FAM110B: variants seen among roughly 807,000 people sequenced by gnomAD.
FAM110B encodes protein FAM110B.
A neutral mutation model predicts 20.4 loss-of-function variants in FAM110B; 6 were observed. The ratio of observed to expected loss-of-function variants is 0.29; its 90% CI spans 0.16 to 0.58. The LOEUF (loss-of-function observed/expected upper bound fraction) is 0.58. Ranked by LOEUF, FAM110B falls within the 20% of genes least tolerant of loss-of-function variation. The pLI, the probability that FAM110B is intolerant of heterozygous loss-of-function variation, is 0.90. For missense variants in FAM110B, 434 were observed against 498.2 expected, an observed-to-expected ratio of 0.87 and a Z score of 1.23; for synonymous variants, 226 against 214.1, an observed-to-expected ratio of 1.06 and a Z score of -0.49.
intron 1 of FAM110B, among the ~76,000 whole-genome samples, chr8:58,020,668 G>C (rs542693328): frequency 1.3e-5 from 2 of 152,306 alleles, no homozygotes; most frequent in African/African-American, 4.8e-5. Context: ...AGAGTATATG[G>C]GCTACATGAT....
rs146446301 is a variant in FAM110B, at chr8:58,097,568, G to A, written c.-325+21945G>A. ...TGTCAGTTCATCAAACTCATCCTCC[G>A]TCCAGTTTTGTTTCCTTGCTGGCTA... On this transcript the variant is annotated intron_variant, in intron 3 of 3. Coordinates refer to ENST00000519262, the MANE Select transcript of FAM110B (RefSeq NM_001377989.1). 2.4e-3 allele frequency among the ~76,000 whole-genome samples: 362 copies of A among 152,208 alleles called. 1 individual carries two copies. The highest frequency in any genetic ancestry group is 4.0e-3 in the Non-Finnish European group (274 of 68,004).
At chr8:58,111,630 T>TA (rs1162848123) in intron 3 of FAM110B, among the ~76,000 whole-genome samples, 1 of 151,868 alleles carries the variant, frequency 6.6e-6, no homozygotes, top group Non-Finnish European at 1.5e-5. Flanking sequence ...CTTTTTAATT[T>TA]AAAAAAAGAA....
chr8:58,049,043 A>C (rs1171022549), intron 2 of FAM110B, among the ~76,000 whole-genome samples: 1 of 152,216 alleles, frequency 6.6e-6, no homozygotes, highest in Non-Finnish European at 1.5e-5. Context: ...GTTTTTTCTT[A>C]AACTATAATG....
chr8:58,057,445 G>A (rs1805570151), intron 2 of FAM110B, among the ~76,000 whole-genome samples: 1 of 152,152 alleles, frequency 6.6e-6, no homozygotes, highest in South Asian at 2.1e-4. Flanking sequence ...AAATTAGACT[G>A]TAATTTATTT....
intron 3 of FAM110B, among the ~76,000 whole-genome samples, chr8:58,140,496 C>T (rs550143406): frequency 8.3e-4 from 126 of 152,302 alleles, no homozygotes; most frequent in African/African-American, 2.6e-3. Flanking sequence ...CCATATTGGG[C>T]GGTGCTCAGA....
chr8:58,057,869 C>T (rs762102655), intron 2 of FAM110B, among the ~76,000 whole-genome samples: 5 of 152,244 alleles, frequency 3.3e-5, no homozygotes, highest in Non-Finnish European at 7.3e-5. Flanking sequence ...AGCTATTCCT[C>T]GGCTGTCGCT....
At chr8:58,034,157 T>G (rs1035245106) in intron 2 of FAM110B, among the ~76,000 whole-genome samples, 2 of 152,156 alleles carry the variant, frequency 1.3e-5, no homozygotes, top group African/African-American at 4.8e-5. Flanking sequence ...AGATGACCAT[T>G]GAATGGGCAT....
intron 2 of FAM110B, among the ~76,000 whole-genome samples, chr8:58,040,730 G>T (rs1805197332): frequency 6.6e-6 from 1 of 152,014 alleles, no homozygotes; most frequent in Admixed American, 6.6e-5. Context: ...TAAGGTAAGT[G>T]GAAAGTAAAT....
chr8:58,110,012 A>G (rs1297414298), intron 3 of FAM110B, among the ~76,000 whole-genome samples: 2 of 152,230 alleles, frequency 1.3e-5, no homozygotes, highest in Non-Finnish European at 2.9e-5. Flanking sequence ...ATCACTGTCT[A>G]TAAACAACAC....
At chr8:58,122,077 T>C (rs1807376608) in intron 3 of FAM110B, among the ~76,000 whole-genome samples, 1 of 152,224 alleles carries the variant, frequency 6.6e-6, no homozygotes, top group Admixed American at 6.5e-5. Context: ...AGTATCTTTA[T>C]TCTATCCTTC....
chr8:58,146,546 A>G lies in FAM110B; in HGVS notation c.316A>G (p.Lys106Glu). The change falls in exon 4 of 4, where the codon AAG becomes GAG. Residue 106 changes from lysine to glutamate, a missense_variant. This residue lies in a region of FAM110B where 284 missense variants were observed against 278.3 expected (regional missense o/e 1.02). Coordinates refer to ENST00000519262, the MANE Select transcript of FAM110B (RefSeq NM_001377989.1). ...GCTCAAAGTGTTCGGCAACCACGCC[A>G]AGACCGAGAGCGGCGTGCAGAGGGA... ...PTLKVFGNHA[K>E]TESGVQRENL... 1.2e-6 allele frequency: 2 copies of G among 1,614,008 alleles called. No individual in the cohort carries two copies. The highest frequency in any genetic ancestry group is 1.7e-6 in the Non-Finnish European group (2 of 1,179,940).
At chr8:58,107,455 G>C (rs1289431095) in intron 3 of FAM110B, among the ~76,000 whole-genome samples, 1 of 152,132 alleles carries the variant, frequency 6.6e-6, no homozygotes, top group African/African-American at 2.4e-5. Flanking sequence ...TAGTCTCTTG[G>C]GCATGAGAAA....
At chr8:58,051,574 G>A (rs1223540517) in intron 2 of FAM110B, among the ~76,000 whole-genome samples, 1 of 152,110 alleles carries the variant, frequency 6.6e-6, no homozygotes, top group Non-Finnish European at 1.5e-5. Context: ...TTTACTTTTC[G>A]GAGAGGCCGT....
At chr8:58,001,354 G>C (rs1804290424) in intron 1 of FAM110B, among the ~76,000 whole-genome samples, 1 of 148,050 alleles carries the variant, frequency 6.8e-6, no homozygotes, top group African/African-American at 2.6e-5. Flanking sequence ...TGCCACACTT[G>C]TCATGGAGCT....
At position 58,062,936 on chromosome 8, in the gene FAM110B, C is replaced by T. The variant is rs545853481; in HGVS notation, c.-413-12599C>T. Among the ~76,000 whole-genome samples the T allele has an allele frequency of 1.1e-4, 17 of 152,318 alleles. No individual in the cohort carries two copies. The East Asian group carries it at 1.2e-3, about 10-fold the overall frequency. ...CCTTAGCGATGAGGACTTGTACCAG[C>T]GCCAACAGAGGCTTTCCCTAATGTC... On this transcript the variant is annotated intron_variant, in intron 2 of 3. Coordinates refer to ENST00000519262, the MANE Select transcript of FAM110B (RefSeq NM_001377989.1).
chr8:58,021,539 T>G (rs1187840807), intron 1 of FAM110B, among the ~76,000 whole-genome samples: 1 of 152,158 alleles, frequency 6.6e-6, no homozygotes, highest in Non-Finnish European at 1.5e-5. Context: ...TACTGTTTCA[T>G]GTACTGTATC....
chr8:57,996,839 G>C (rs992774066), intron 1 of FAM110B, among the ~76,000 whole-genome samples: 5 of 152,186 alleles, frequency 3.3e-5, no homozygotes, highest in African/African-American at 1.2e-4. Context: ...ACAACAACCA[G>C]AGCATTTAAT....
At chr8:58,126,496 A>C (rs1049520004) in intron 3 of FAM110B, among the ~76,000 whole-genome samples, 2 of 152,128 alleles carry the variant, frequency 1.3e-5, no homozygotes, top group African/African-American at 4.8e-5. Flanking sequence ...GTGTCTCTAC[A>C]CTATTACATT....
At chr8:58,129,311 T>A (rs1014338000) in intron 3 of FAM110B, among the ~76,000 whole-genome samples, 1 of 152,198 alleles carries the variant, frequency 6.6e-6, no homozygotes, top group Non-Finnish European at 1.5e-5. Flanking sequence ...ATTAACAAGG[T>A]GATTACTGAA....
Sources: allele counts gnomAD v4.1 joint callset (sites outside exome capture counted in the v4.1 genomes callset), GRCh38; gene constraint gnomAD v4.1.1; regional missense constraint gnomAD v4.1.1; transcripts MANE v1.5; gene names NCBI Gene and HGNC (gene_info 2026-07-23, HGNC 2026-07-21).